The following SYNCRIP variants were observed in gnomAD, a reference collection of about 807,000 sequenced individuals.
SYNCRIP encodes the protein synaptotagmin binding cytoplasmic RNA interacting protein, also known as heterogeneous nuclear ribonucleoprotein Q.
SYNCRIP carries 9 observed loss-of-function variants against 68.9 expected under a neutral mutation model. That is an observed-to-expected ratio of 0.13 (90% CI 0.08 to 0.23). SYNCRIP has a LOEUF of 0.23. Among genes scored for constraint, SYNCRIP ranks in the 10% least tolerant of loss-of-function variants. The probability of loss-of-function intolerance (pLI) is 1.00; values close to 1 mark genes in which losing one functional copy is unlikely to be tolerated. For synonymous variants in SYNCRIP, 258 were observed against 254.0 expected (o/e 1.02, Z -0.15); for missense variants, 414 against 770.6 (o/e 0.54, Z 5.48).
downstream of SYNCRIP, among the ~76,000 whole-genome samples, chr6:85,613,183 T>C (rs1176664271): frequency 6.6e-6 from 1 of 151,516 alleles, no homozygotes; most frequent in African/African-American, 2.4e-5. Context: ...CACAAACTGA[T>C]TTTATTTAAA....
Position 85,640,456 on chromosome 6 carries a change from G to A in SYNCRIP, c.257C>T (p.Ser86Phe). Residue 86 changes from serine to phenylalanine, a missense_variant, in exon 3 of 11, where the codon TCT becomes TTT. Transcript: ENST00000369622. ...TGACATTAACATTACCTGAACATGA[G>A]AGAGATCACTGTCTTTAAACTGTTG... is the stretch of plus-strand genomic sequence containing the variant. ...VLQQFKDSDL[S>F]HVQNKSAFLC... 1 of 1,603,416 alleles carries A rather than the reference G, an allele frequency of 6.2e-7. No individual in the cohort carries two copies. The highest frequency in any genetic ancestry group is 1.1e-5 in the South Asian group (1 of 89,066).
chr6:85,634,662 G>C (rs181159804), intron 6 of SYNCRIP, among the ~76,000 whole-genome samples: 2 of 152,066 alleles, frequency 1.3e-5, no homozygotes, highest in Admixed American at 6.5e-5. Context: ...CCACAGTAGA[G>C]AGAGCCCACT....
At chr6:85,621,216 T>TC (rs1432560119) in intron 8 of SYNCRIP, among the ~76,000 whole-genome samples, 1 of 152,172 alleles carries the variant, frequency 6.6e-6, no homozygotes. Flanking sequence ...CACTTATCCT[T>TC]CAATAATATT....
Position 85,614,968 on chromosome 6 carries a change from T to A in SYNCRIP, c.1660A>T (p.Arg554Trp). Reference sequence around the variant, plus strand: ...CCTACATTTCCACCGCGGCCACCCCTCGCACCACGTACCCCGCGGCCTCTT... The same window carrying A: ...CCTACATTTCCACCGCGGCCACCCCACGCACCACGTACCCCGCGGCCTCTT... Reference protein sequence around the residue: ...QQRGRGVRGARGGRGGNVGGK... With the variant: ...QQRGRGVRGAWGGRGGNVGGK... The change falls in exon 11 of 11, where the codon AGG becomes TGG. Residue 554 changes from arginine (R) to tryptophan (W), a missense_variant. Physicochemically the swap from Arg to Trp is moderately radical, Grantham distance 101. Transcript: ENST00000369622. 1.2e-6 allele frequency: 2 copies of A among 1,613,806 alleles called. No individual in the cohort carries two copies. Among genetic ancestry groups the A allele is most frequent in the Non-Finnish European group, 1.7e-6 (2 of 1,179,846 alleles).
intron 1 of SYNCRIP, 147 bp from the exon 2 acceptor site, chr6:85,641,598 T>G: frequency 1.3e-6 from 1 of 750,796 alleles, no homozygotes; most frequent in East Asian, 2.7e-5. Flanking sequence ...CACTATCGCC[T>G]GACAAGCCAG....
At chr6:85,618,390 C>A (rs1001917345) in intron 10 of SYNCRIP, among the ~76,000 whole-genome samples, 2 of 150,274 alleles carry the variant, frequency 1.3e-5, no homozygotes, top group Non-Finnish European at 3.0e-5. Context: ...AAAAAAAAAA[C>A]ACAAAAATTA....
chr6:85,629,445 C>T (rs1807445644), intron 6 of SYNCRIP, among the ~76,000 whole-genome samples: 1 of 142,594 alleles, frequency 7.0e-6, no homozygotes, highest in Admixed American at 7.6e-5. Context: ...AATGGCTGTT[C>T]ATGAGGCCGA....
chr6:85,610,300 AAAGT>A (rs1199438527), downstream of SYNCRIP: 3 of 152,124 alleles, frequency 2.0e-5, no homozygotes, highest in Admixed American at 1.3e-4. Flanking sequence ...TTTAATTTTA[AAAGT>A]AATTATAATG....
At chr6:85,613,783 G>A (rs1189115257), downstream of SYNCRIP, among the ~76,000 whole-genome samples, 3 of 152,090 alleles carry the variant, frequency 2.0e-5, no homozygotes, top group Non-Finnish European at 2.9e-5. Flanking sequence ...CTGCTTTCTA[G>A]TCCCATGGTG....
rs756435130 is a variant in SYNCRIP, at chr6:85,641,375, A to G, written c.65T>C (p.Ile22Thr). Residue 22 changes from isoleucine (I) to threonine (T), a missense_variant, in exon 2 of 11, where the codon ATC becomes ACC. This residue lies in a region of SYNCRIP where 51 missense variants were observed against 63.7 expected (regional missense o/e 0.80). Transcript: ENST00000369622. Reference protein sequence around the residue: ...EEPMDTTSAVIHSENFQTLLD... With the variant: ...EEPMDTTSAVTHSENFQTLLD... ...CAATGTCTGAAAATTTTCTGAATGGATAACTGCAGAAGTAGTATCCATGGG... is the reference window on the plus strand; with the variant it reads ...CAATGTCTGAAAATTTTCTGAATGGGTAACTGCAGAAGTAGTATCCATGGG... 10 of 1,613,196 alleles carry G rather than the reference A, an allele frequency of 6.2e-6. No individual in the cohort carries two copies. The highest frequency in any genetic ancestry group is 2.2e-5 in the South Asian group (2 of 91,044).
intron 6 of SYNCRIP, among the ~76,000 whole-genome samples, chr6:85,627,281 A>C (rs1161905173): frequency 6.6e-6 from 1 of 151,970 alleles, no homozygotes; most frequent in South Asian, 2.1e-4. Context: ...AAAAAAAAAA[A>C]AAAAAAACTT....
downstream of SYNCRIP, chr6:85,611,889 G>A (rs1056479035): frequency 6.6e-6 from 1 of 152,476 alleles, no homozygotes; most frequent in Non-Finnish European, 1.5e-5. Flanking sequence ...CAAATGTCAG[G>A]CTTCGCTGTA....
At chr6:85,626,630 A>G (rs1180203471) in intron 6 of SYNCRIP, among the ~76,000 whole-genome samples, 1 of 152,234 alleles carries the variant, frequency 6.6e-6, no homozygotes, top group Non-Finnish European at 1.5e-5. Flanking sequence ...TAGGAGGCAA[A>G]GGCAAGACAA....
At chr6:85,624,175 A>G in intron 6 of SYNCRIP, 63 bp from the exon 7 acceptor site, 4 of 1,495,736 alleles carry the variant, frequency 2.7e-6, no homozygotes, top group Non-Finnish European at 3.7e-6. Flanking sequence ...AGTTAATTAT[A>G]AAAGATACAC....
intron 10 of SYNCRIP, among the ~76,000 whole-genome samples, chr6:85,615,848 G>C (rs768432017): frequency 2.0e-5 from 3 of 152,172 alleles, no homozygotes; most frequent in Non-Finnish European, 4.4e-5. Context: ...TTTCTGCTAA[G>C]ATTCTATTCC....
rs541797619 is a variant in SYNCRIP, at chr6:85,619,056, GCAGT to G, written c.1159-121_1159-118del. 225 of 1,199,564 alleles carry G rather than the reference GCAGT, an allele frequency of 1.9e-4. No individual in the cohort carries two copies. The African/African-American group carries it at 2.9e-3, about 16-fold the overall frequency. The allele number at this position is 1,199,564 out of a possible 1,614,324, so 74.3% of individuals were successfully genotyped here. ...AAGGACAAGAGAAAGCCCCATGCAG[GCAGT>G]CAAATAATTTTATTTAAAGATGCAG... On this transcript the variant is annotated intron_variant, in intron 9 of 10. Coordinates refer to ENST00000369622, the MANE Select transcript of SYNCRIP (RefSeq NM_006372.5).
intron 6 of SYNCRIP, among the ~76,000 whole-genome samples, chr6:85,625,648 A>G (rs569001671): frequency 2.0e-5 from 3 of 152,060 alleles, no homozygotes; most frequent in African/African-American, 7.2e-5. Context: ...GGCCTCCCAA[A>G]GTGCTGGGAT....
downstream of SYNCRIP, chr6:85,613,062 A>G (rs538310639): frequency 6.3e-5 from 62 of 989,922 alleles, no homozygotes; most frequent in South Asian, 7.1e-4. Context: ...GTTGCCTTTA[A>G]TAACTATGAA....
chr6:85,636,125 T>TA (rs1184558074), intron 6 of SYNCRIP, among the ~76,000 whole-genome samples: 1 of 152,168 alleles, frequency 6.6e-6, no homozygotes, highest in African/African-American at 2.4e-5. Context: ...TTAAAGGACT[T>TA]ACATAAACTA....
Sources: allele counts gnomAD v4.1 joint callset (sites outside exome capture counted in the v4.1 genomes callset), GRCh38; gene constraint gnomAD v4.1.1; regional missense constraint gnomAD v4.1.1; transcripts MANE v1.5; gene names NCBI Gene and HGNC (gene_info 2026-07-23, HGNC 2026-07-21).